SLC2A11: variants seen among roughly 807,000 people sequenced by gnomAD.
SLC2A11 encodes the protein solute carrier family 2, facilitated glucose transporter member 11.
A neutral mutation model predicts 52.1 loss-of-function variants in SLC2A11; 43 were observed. The ratio of observed to expected loss-of-function variants is 0.82; its 90% CI spans 0.65 to 1.06. The LOEUF is 1.06. Among genes scored for constraint, SLC2A11 ranks in the 50% least tolerant of loss-of-function variants. The pLI, the probability that SLC2A11 is intolerant of heterozygous loss-of-function variation, is 0.00. For synonymous variants in SLC2A11, 261 were observed against 277.6 expected (o/e 0.94, Z 0.59); for missense variants, 582 against 654.2 (o/e 0.89, Z 1.20).
intron 6 of SLC2A11, chr22:23,881,418 G>A (rs764258897): frequency 6.6e-5 from 10 of 152,384 alleles, no homozygotes; most frequent in South Asian, 6.2e-4. Flanking sequence ...CTGGAACATG[G>A]TACGCCCTCA....
chr22:23,871,267 A>C (rs1374664976), intron 3 of SLC2A11: 3 of 143,220 alleles, frequency 2.1e-5, no homozygotes, highest in African/African-American at 8.0e-5. Context: ...TTAGACGGGC[A>C]TGGTGGTGGA....
intron 8 of SLC2A11, 116 bp from the exon 9 acceptor site, chr22:23,883,656 C>G (rs532602880): frequency 2.5e-6 from 2 of 795,582 alleles, no homozygotes; most frequent in Non-Finnish European, 3.9e-6. Context: ...CACACTGAAG[C>G]AATAAACTAC....
intron 4 of SLC2A11, among the ~76,000 whole-genome samples, chr22:23,875,607 C>T (rs1027939291): frequency 2.0e-5 from 3 of 152,130 alleles, no homozygotes; most frequent in Non-Finnish European, 4.4e-5. Context: ...GCAGAATGGC[C>T]TGTTAGGTAC....
Position 23,883,811 on chromosome 22 carries a change from A to T in SLC2A11, c.1033A>T (p.Ile345Phe). ...IERVGRRVLL[I>F]GGYSLMTCWG... ...GAGGGTGGGTCGGCGCGTGCTGCTC[A>T]TCGGTGGGTACAGCCTGATGACCTG... is the stretch of plus-strand genomic sequence containing the variant. Residue 345 changes from isoleucine to phenylalanine, a missense_variant, in exon 9 of 12, where the codon ATC becomes TTC. Coordinates refer to ENST00000316185, the MANE Select transcript of SLC2A11 (RefSeq NM_001024939.4). 6.4e-7 allele frequency: 1 copy of T among 1,564,068 alleles called. No individual in the cohort carries two copies.
At chr22:23,877,610 C>T in intron 5 of SLC2A11, 111 bp from the exon 6 acceptor site, 1 of 1,354,268 alleles carries the variant, frequency 7.4e-7, no homozygotes, top group Non-Finnish European at 1.0e-6. Flanking sequence ...TAGGAAGAGG[C>T]ACGGGGCAAT....
At chr22:23,879,093 G>A (rs2032718557) in intron 6 of SLC2A11, among the ~76,000 whole-genome samples, 1 of 152,006 alleles carries the variant, frequency 6.6e-6, no homozygotes, top group Admixed American at 6.6e-5. Flanking sequence ...TTCCAGCTCT[G>A]TCCCCTACCC....
At chr22:23,869,978 A>C (rs1241408912) in intron 3 of SLC2A11, 1 of 717,496 alleles carries the variant, frequency 1.4e-6, no homozygotes, top group Admixed American at 2.0e-5. Context: ...ATGAAGGTGG[A>C]GTTCTCATGG....
At chr22:23,868,725 A>C in intron 3 of SLC2A11, 84 bp downstream of exon 3, 1 of 1,527,898 alleles carries the variant, frequency 6.5e-7, no homozygotes, top group Non-Finnish European at 8.9e-7. Context: ...AAGAAGGAAG[A>C]GGCCCGGCAA....
At chr22:23,857,586 C>CCCCCCG (rs1321032156), upstream of SLC2A11, 1 of 1,475,346 alleles carries the variant, frequency 6.8e-7, no homozygotes, top group Non-Finnish European at 9.3e-7. Flanking sequence ...AACCCCCCCC[C>CCCCCCG]CGCGGCGGCG....
chr22:23,876,706 C>T (rs907663827), intron 4 of SLC2A11, among the ~76,000 whole-genome samples: 4 of 152,124 alleles, frequency 2.6e-5, no homozygotes, highest in Admixed American at 1.3e-4. Flanking sequence ...CCTCCCACCC[C>T]CCCGCACAGC....
At position 23,884,834 on chromosome 22, in the gene SLC2A11, G is replaced by T. The variant is rs757822942; in HGVS notation, c.1485G>T (p.Gln495His). 8.1e-6 allele frequency: 13 copies of T among 1,614,134 alleles called. 1 individual carries two copies. The South Asian group carries it at 1.2e-4, about 15-fold the overall frequency. ...GPTWRSLEVIQSTEL is the reference protein window; with the variant it reads ...GPTWRSLEVIHSTEL The stretch of plus-strand genomic sequence containing the variant: ...CGTGGAGGAGCCTGGAGGTTATCCA[G>T]TCAACAGAACTCTAGTCCCAAAGGG... Residue 495 changes from glutamine (Q) to histidine (H), a missense_variant, in exon 12 of 12, where the codon CAG (glutamine) becomes CAT (histidine). Gln to His is a conservative substitution (Grantham distance 24, BLOSUM62 0). Transcript: ENST00000316185. This position sits in a 1 kb window ranked among gnomAD's most constrained non-coding sequence, Gnocchi z 4.3.
chr22:23,880,301 G>T (rs2146139405), intron 6 of SLC2A11: 1 of 149,468 alleles, frequency 6.7e-6, no homozygotes, highest in Admixed American at 6.7e-5. Context: ...AAACAAAGTT[G>T]GGGCACAGAA....
In SLC2A11 at chr22:23,877,787, C is replaced by G; in HGVS notation, c.612C>G (p.Leu204=). ...CCAGCTGCCTGGTGCCCGGGGCGCTCCAGCTCGCCTCCCTGCCTCTGCTCC... is the reference window on the plus strand; with the variant it reads ...CCAGCTGCCTGGTGCCCGGGGCGCTGCAGCTCGCCTCCCTGCCTCTGCTCC... ...LLASCLVPGA[L]QLASLPLLPE... The change falls in exon 6 of 12, where the codon CTC becomes CTG. Residue 204 remains leucine, a synonymous_variant. Transcript: ENST00000316185. 5 of 1,610,402 alleles carry G rather than the reference C, an allele frequency of 3.1e-6. No homozygotes were observed. The highest frequency in any genetic ancestry group is 4.2e-6 in the Non-Finnish European group (5 of 1,178,570).
chr22:23,873,444 G>T lies in SLC2A11; in HGVS notation c.291-1673G>T, dbSNP rs142568054. ...CCTGCCTCAGCCTCCCCACTACCTG[G>T]GATTACAGGTGCCTGCCACCATGCC... On this transcript the variant is annotated intron_variant, in intron 3 of 11. Coordinates refer to ENST00000316185, the MANE Select transcript of SLC2A11 (RefSeq NM_001024939.4). Among the ~76,000 whole-genome samples the T allele has an allele frequency of 8.6e-4, 131 of 151,882 alleles. 1 individual carries two copies. In the East Asian group the frequency reaches 0.024, roughly 28 times the overall value.
chr22:23,881,233 C>T (rs1051623550), intron 6 of SLC2A11: 51 of 151,990 alleles, frequency 3.4e-4, no homozygotes, highest in African/African-American at 1.2e-3. Flanking sequence ...CTTGGTCATT[C>T]CTGCAACTGC....
intron 4 of SLC2A11, among the ~76,000 whole-genome samples, chr22:23,876,147 G>A (rs2032606966): frequency 6.6e-6 from 1 of 152,134 alleles, no homozygotes; most frequent in African/African-American, 2.4e-5. Context: ...GAGAGGGCAT[G>A]CACAAGGAGA....
Position 23,877,751 on chromosome 22 carries a change from C to T in SLC2A11, c.576C>T (p.Pro192=). The T allele has an allele frequency of 2.5e-6, 4 of 1,604,700 alleles. No homozygotes were observed. Among genetic ancestry groups the T allele is most frequent in the Non-Finnish European group, 2.6e-6 (3 of 1,175,948 alleles). ...TCCTAGGTGGCCCTCAGGCCTGGCCCCTGCTGCTGGCCAGCTGCCTGGTGC... is the reference window on the plus strand; with the variant it reads ...TCCTAGGTGGCCCTCAGGCCTGGCCTCTGCTGCTGGCCAGCTGCCTGGTGC... ...RELLGGPQAW[P]LLLASCLVPG... The change falls in exon 6 of 12, where the codon CCC becomes CCT. Residue 192 remains proline, a synonymous_variant. Transcript: ENST00000316185.
chr22:23,874,826 C>T (rs986052371), intron 3 of SLC2A11, among the ~76,000 whole-genome samples: 4 of 152,102 alleles, frequency 2.6e-5, no homozygotes, highest in Non-Finnish European at 4.4e-5. Context: ...ATCAGGTGAT[C>T]TGCCCGCTTC....
chr22:23,860,415 A>C (rs2032007491), intron 1 of SLC2A11, among the ~76,000 whole-genome samples: 1 of 151,256 alleles, frequency 6.6e-6, no homozygotes, highest in Admixed American at 6.6e-5. Flanking sequence ...CCTTGTCTCA[A>C]AAAACAAAAC....
Sources: gnomAD v4.1 joint callset for allele counts (sites outside exome capture counted in the v4.1 genomes callset) on GRCh38, gnomAD v4.1.1 for gene constraint, Gnocchi (gnomAD v3.1) non-coding constraint, MANE v1.5 for transcripts, NCBI Gene and HGNC (gene_info 2026-07-23, HGNC 2026-07-21) for gene names.